ZNF540: variants seen among roughly 807,000 people sequenced by gnomAD.
ZNF540 encodes CTD-3064H18.6.
In ZNF540, 3 loss-of-function variants were observed where a neutral mutation model predicts 11.8. The observed-to-expected ratio is 0.25, with a 90% confidence interval of 0.12 to 0.65. The LOEUF is 0.65. Among genes scored for constraint, ZNF540 ranks in the 30% least tolerant of loss-of-function variants. ZNF540 has a pLI of 0.83. For missense variants in ZNF540, 709 were observed against 793.1 expected (o/e 0.89, Z 1.27); for synonymous variants, 247 against 259.0 (o/e 0.95, Z 0.45).
chr19:37,602,761 G>A (rs765531025), intron 4 of ZNF540, among the ~76,000 whole-genome samples: 2 of 152,130 alleles, frequency 1.3e-5, no homozygotes, highest in Non-Finnish European at 2.9e-5. Context: ...TCATCTGTGA[G>A]GTCAACTGAA....
intron 4 of ZNF540, among the ~76,000 whole-genome samples, chr19:37,602,455 C>T (rs1239563919): frequency 6.6e-6 from 1 of 151,994 alleles, no homozygotes; most frequent in East Asian, 1.9e-4. Flanking sequence ...GAAACGTAGC[C>T]ATACTTAATT....
intron 1 of ZNF540, among the ~76,000 whole-genome samples, chr19:37,587,592 CTT>C (rs199760691): frequency 3.2e-4 from 47 of 144,732 alleles, no homozygotes; most frequent in Non-Finnish European, 3.8e-4. Flanking sequence ...TAGCACTGAT[CTT>C]TTTTTTTTTT....
chr19:37,574,164 G>A (rs1318100641), intron 1 of ZNF540, among the ~76,000 whole-genome samples: 1 of 152,118 alleles, frequency 6.6e-6, no homozygotes, highest in Non-Finnish European at 1.5e-5. Context: ...CTCATTTTTA[G>A]AAGTCTACAC....
In ZNF540 at chr19:37,551,833, T is replaced by TGTG. The variant is rs1555712948; in HGVS notation, c.-73+169_-73+170insTGG. On this transcript the variant is annotated intron_variant, in intron 1 of 4. Coordinates refer to the ZNF540 transcript ENST00000592533. The stretch of plus-strand genomic sequence containing the variant: ...TGCAAGTGTTGCATGTCTGTGTGTG[T>TGTG]GGGGGGGGTGGTGTCTGGTGAAAAG... Among the ~76,000 whole-genome samples, 342 of 150,118 alleles carry TGTG rather than the reference T, an allele frequency of 2.3e-3. 2 individuals are homozygous for TGTG. Among genetic ancestry groups the TGTG allele is most frequent in the African/African-American group, 5.6e-3 (227 of 40,802 alleles).
chr19:37,565,197 T>G (rs1568339807), intron 1 of ZNF540: 2 of 1,613,528 alleles, frequency 1.2e-6, no homozygotes, highest in Non-Finnish European at 1.7e-6. Context: ...GTATGAATTC[T>G]TTGATGTTGA....
intron 1 of ZNF540, among the ~76,000 whole-genome samples, chr19:37,559,460 TG>T (rs2147140211): frequency 6.6e-6 from 1 of 152,338 alleles, no homozygotes; most frequent in African/African-American, 2.4e-5. Flanking sequence ...ACTCAGCTTA[TG>T]GGGAATGGAT....
At chr19:37,561,357 C>G (rs1478543750) in intron 1 of ZNF540, among the ~76,000 whole-genome samples, 1 of 152,150 alleles carries the variant, frequency 6.6e-6, no homozygotes, top group African/African-American at 2.4e-5. Flanking sequence ...AACAGAAAAG[C>G]ACTATATCAT....
intron 1 of ZNF540, chr19:37,564,623 G>GTAAGT (rs1241429929): frequency 6.4e-7 from 1 of 1,550,676 alleles, no homozygotes; most frequent in Non-Finnish European, 8.7e-7. Context: ...TGTATGTTGA[G>GTAAGT]TAAGTTGTGA....
At chr19:37,590,508 A>G (rs977221467), upstream of ZNF540, among the ~76,000 whole-genome samples, 42 of 152,180 alleles carry the variant, frequency 2.8e-4, no homozygotes, top group Non-Finnish European at 1.2e-4. Context: ...CAATTATTAC[A>G]TCTCTGCTAC....
chr19:37,580,732 G>A (rs897667547), intron 1 of ZNF540, among the ~76,000 whole-genome samples: 1 of 152,130 alleles, frequency 6.6e-6, no homozygotes, highest in African/African-American at 2.4e-5. Context: ...CTCTCACCAT[G>A]TGATCTCTGC....
At chr19:37,570,802 T>G (rs1272759485) in intron 1 of ZNF540, among the ~76,000 whole-genome samples, 1 of 152,182 alleles carries the variant, frequency 6.6e-6, no homozygotes, top group Non-Finnish European at 1.5e-5. Flanking sequence ...TAGAAGGCAT[T>G]ATAGCATTCA....
Position 37,599,644 on chromosome 19 carries a change from G to C in ZNF540, c.28G>C (p.Asp10His), listed in dbSNP as rs371437372. The change falls in exon 3 of 5, where the codon GAT (aspartate) becomes CAT (histidine). Residue 10 changes from aspartate to histidine, a missense_variant. Physicochemically the swap from Asp to His is moderately conservative, Grantham distance 81 (BLOSUM62 -1). Coordinates refer to ENST00000316433, the MANE Select transcript of ZNF540 (RefSeq NM_001172225.3). ...GTTTCAGGCATTGGTGACGTTCAGG[G>C]ATGTGGCTATAGACTTCTCTCAGAA... is the stretch of plus-strand genomic sequence containing the variant. MAHALVTFR[D>H]VAIDFSQKEW... 67 of 1,613,922 alleles carry C rather than the reference G, an allele frequency of 4.2e-5. No individual in the cohort carries two copies. The Admixed American group carries it at 1.1e-3, about 26-fold the overall frequency.
At chr19:37,574,593 T>C (rs2043180800) in intron 1 of ZNF540, among the ~76,000 whole-genome samples, 1 of 152,186 alleles carries the variant, frequency 6.6e-6, no homozygotes, top group African/African-American at 2.4e-5. Context: ...ATACACAAAT[T>C]TTCCAACCTT....
chr19:37,565,044 GAT>G (rs754908415), intron 1 of ZNF540: 2 of 1,613,584 alleles, frequency 1.2e-6, no homozygotes, highest in African/African-American at 2.7e-5. Flanking sequence ...TGTTGAGTAA[GAT>G]ATGCAACACG....
chr19:37,580,787 T>C (rs1165661339), intron 1 of ZNF540, among the ~76,000 whole-genome samples: 1 of 152,210 alleles, frequency 6.6e-6, no homozygotes, highest in African/African-American at 2.4e-5. Context: ...GGAAGCAGCC[T>C]GAGGTCCTCA....
At chr19:37,594,372 A>C (rs986021259), upstream of ZNF540, 1 of 152,372 alleles carries the variant, frequency 6.6e-6, no homozygotes, top group Non-Finnish European at 1.5e-5. Context: ...GCACAAGCGC[A>C]CACGCACACG....
chr19:37,554,637 T>C (rs542985043), intron 1 of ZNF540: 6 of 152,230 alleles, frequency 3.9e-5, no homozygotes, highest in Non-Finnish European at 7.3e-5. Context: ...TTTTCAACCA[T>C]TATTTTTAAA....
chr19:37,562,048 TTTCCAGA>T (rs1417204699), intron 1 of ZNF540, among the ~76,000 whole-genome samples: 1 of 152,168 alleles, frequency 6.6e-6, no homozygotes. Context: ...CAATCAGTGG[TTTCCAGA>T]GTGATGACAA....
At chr19:37,566,642 G>A (rs1269736329) in intron 1 of ZNF540, among the ~76,000 whole-genome samples, 2 of 152,052 alleles carry the variant, frequency 1.3e-5, no homozygotes, top group Admixed American at 1.3e-4. Flanking sequence ...CAGCTCTCCT[G>A]TCAACATTAA....
Sources: gnomAD v4.1 joint callset for allele counts (sites outside exome capture counted in the v4.1 genomes callset) on GRCh38, gnomAD v4.1.1 for gene constraint, MANE v1.5 for transcripts, NCBI Gene and HGNC (gene_info 2026-07-23, HGNC 2026-07-21) for gene names.